Variants in ADGRB3 observed in about 807,000 individuals in gnomAD.
ADGRB3 encodes adhesion G protein-coupled receptor B3.
A neutral mutation model predicts 193.4 loss-of-function variants in ADGRB3; 37 were observed. That is an observed-to-expected ratio of 0.19 (90% CI 0.15 to 0.25). The LOEUF (loss-of-function observed/expected upper bound fraction) is 0.25, where lower values mean the gene tolerates loss of function less well. Ranked by LOEUF, ADGRB3 falls within the 10% of genes least tolerant of loss-of-function variation. The probability of loss-of-function intolerance (pLI) is 1.00; values close to 1 mark genes in which losing one functional copy is unlikely to be tolerated. For synonymous variants in ADGRB3, 690 were observed against 644.2 expected (o/e 1.07, Z -1.08); for missense variants, 1,637 against 1,852.9 (o/e 0.88, Z 2.14).
chr6:68,692,566 G>C (rs1765093376), intron 3 of ADGRB3, among the ~76,000 whole-genome samples: 1 of 151,464 alleles, frequency 6.6e-6, no homozygotes, highest in African/African-American at 2.4e-5. Flanking sequence ...AATATACCAG[G>C]GGTTACTTAA....
chr6:68,991,975 G>C (rs16900397), intron 10 of ADGRB3, among the ~76,000 whole-genome samples: 5,532 of 152,140 alleles, frequency 0.036, 285 homozygotes, highest in African/African-American at 0.11. Flanking sequence ...GCACCACAAA[G>C]GTGTACTTAG....
intron 3 of ADGRB3, among the ~76,000 whole-genome samples, chr6:68,799,582 CT>C (rs896966981): frequency 1.3e-5 from 2 of 151,876 alleles, no homozygotes; most frequent in African/African-American, 4.8e-5. Context: ...AAAAAGTTAC[CT>C]GTCCTTAGGT....
chr6:68,958,313 A>G (rs1471940011), intron 8 of ADGRB3, among the ~76,000 whole-genome samples: 1 of 152,242 alleles, frequency 6.6e-6, no homozygotes, highest in Non-Finnish European at 1.5e-5. Flanking sequence ...TATTCAGATT[A>G]CCACTGTGAA....
At chr6:68,792,975 CTGTT>C (rs1275735527) in intron 3 of ADGRB3, among the ~76,000 whole-genome samples, 9 of 152,108 alleles carry the variant, frequency 5.9e-5, no homozygotes, top group Non-Finnish European at 1.0e-4. Flanking sequence ...CTTCATTTTA[CTGTT>C]TGTTTGTCTG....
rs560559740 is a variant in ADGRB3, at chr6:69,227,043, C to T, written c.2481-6247C>T. On this transcript the variant is annotated intron_variant, in intron 17 of 31. Coordinates refer to ENST00000370598, the MANE Select transcript of ADGRB3 (RefSeq NM_001704.3). ...GGGAAGTGTTAAATATAATTTGTAG[C>T]CATTTTTTACCTACTACAGATGGGA... Among the ~76,000 whole-genome samples the T allele has an allele frequency of 9.5e-4, 145 of 152,192 alleles. 1 individual carries two copies. The highest frequency in any genetic ancestry group is 3.3e-3 in the African/African-American group (136 of 41,520).
chr6:68,871,202 A>C (rs1382714227), intron 3 of ADGRB3, among the ~76,000 whole-genome samples: 1 of 152,228 alleles, frequency 6.6e-6, no homozygotes, highest in Non-Finnish European at 1.5e-5. Flanking sequence ...GTGCAGATAG[A>C]AAAAGCATTT....
At chr6:69,256,352 A>G (rs1006896628) in intron 20 of ADGRB3, among the ~76,000 whole-genome samples, 142 of 152,224 alleles carry the variant, frequency 9.3e-4, no homozygotes, top group Middle Eastern at 3.4e-3. Flanking sequence ...ATGTTCTTCC[A>G]TTTGTTTGTA....
At chr6:69,116,704 C>T (rs1773542575) in intron 17 of ADGRB3, among the ~76,000 whole-genome samples, 1 of 152,180 alleles carries the variant, frequency 6.6e-6, no homozygotes, top group Non-Finnish European at 1.5e-5. Context: ...TTAAAGTTAA[C>T]AGTGCTAGGG....
chr6:69,322,942 G>A (rs1246456801), intron 20 of ADGRB3, among the ~76,000 whole-genome samples: 2 of 151,960 alleles, frequency 1.3e-5, no homozygotes, highest in Non-Finnish European at 2.9e-5. Flanking sequence ...ATTGTACGAA[G>A]AGGCATGATT....
At chr6:69,121,594 C>T (rs190107978) in intron 17 of ADGRB3, among the ~76,000 whole-genome samples, 436 of 151,628 alleles carry the variant, frequency 2.9e-3, no homozygotes, top group African/African-American at 5.7e-3. Context: ...GATGGGGCAG[C>T]GGGACAGAGG....
At chr6:69,282,324 A>G (rs1233204247) in intron 20 of ADGRB3, among the ~76,000 whole-genome samples, 1 of 152,202 alleles carries the variant, frequency 6.6e-6, no homozygotes, top group Non-Finnish European at 1.5e-5. Context: ...CTAAAAGGAT[A>G]ACAGACACCA....
chr6:68,737,298 A>G (rs1765890968), intron 3 of ADGRB3, among the ~76,000 whole-genome samples: 1 of 152,092 alleles, frequency 6.6e-6, no homozygotes, highest in Non-Finnish European at 1.5e-5. Context: ...GTTATTTAGT[A>G]GGGAAAAAAG....
At chr6:69,366,495 T>G (rs1769570489) in intron 29 of ADGRB3, among the ~76,000 whole-genome samples, 1 of 152,154 alleles carries the variant, frequency 6.6e-6, no homozygotes, top group African/African-American at 2.4e-5. Context: ...TTTGAGAAAT[T>G]ATTCATCATT....
intron 3 of ADGRB3, among the ~76,000 whole-genome samples, chr6:68,660,466 C>A (rs1206176842): frequency 6.6e-6 from 1 of 150,778 alleles, no homozygotes; most frequent in Non-Finnish European, 1.5e-5. Flanking sequence ...ATTATACACA[C>A]AATTACCTTG....
chr6:68,787,301 C>A (rs1043985673), intron 3 of ADGRB3, among the ~76,000 whole-genome samples: 6 of 151,900 alleles, frequency 3.9e-5, no homozygotes, highest in Admixed American at 6.6e-5. Context: ...TGTCATAGAT[C>A]GCTCTTATTA....
intron 3 of ADGRB3, among the ~76,000 whole-genome samples, chr6:68,681,024 CT>C (rs1305120499): frequency 6.6e-6 from 1 of 152,066 alleles, no homozygotes; most frequent in Non-Finnish European, 1.5e-5. Flanking sequence ...ATAAGTATCT[CT>C]TTTTGGTAAG....
At chr6:68,926,531 A>G (rs1767185760) in intron 3 of ADGRB3, among the ~76,000 whole-genome samples, 1 of 152,142 alleles carries the variant, frequency 6.6e-6, no homozygotes, top group African/African-American at 2.4e-5. Flanking sequence ...TGGCCACACA[A>G]TGTAAGTAGG....
intron 3 of ADGRB3, among the ~76,000 whole-genome samples, chr6:68,705,886 C>A (rs1049995460): frequency 2.0e-5 from 3 of 152,064 alleles, no homozygotes; most frequent in Non-Finnish European, 2.9e-5. Flanking sequence ...AAAGAGGAAA[C>A]ATCAGGGGTG....
intron 3 of ADGRB3, among the ~76,000 whole-genome samples, chr6:68,649,662 T>G (rs1768301740): frequency 6.6e-6 from 1 of 152,190 alleles, no homozygotes; most frequent in Non-Finnish European, 1.5e-5. Flanking sequence ...CTATCTTGGA[T>G]TTTTACTTTA....
Sources: allele counts gnomAD v4.1 joint callset (sites outside exome capture counted in the v4.1 genomes callset), GRCh38; gene constraint gnomAD v4.1.1; transcripts MANE v1.5; gene names NCBI Gene and HGNC (gene_info 2026-07-23, HGNC 2026-07-21).